C16orf74: variants seen among roughly 807,000 people sequenced by gnomAD.
The protein encoded by C16orf74 is uncharacterized protein C16orf74.
C16orf74 carries 10 observed loss-of-function variants against 6.5 expected under a neutral mutation model. The ratio of observed to expected loss-of-function variants is 1.54; its 90% CI spans 0.95 to 2.61. The LOEUF (loss-of-function observed/expected upper bound fraction) is 2.61, where lower values mean the gene tolerates loss of function less well. Among genes scored for constraint, C16orf74 ranks in the 30% most tolerant of loss-of-function variants. C16orf74 has a pLI of 0.00. For synonymous variants in C16orf74, 60 were observed against 42.5 expected (o/e 1.41, Z -1.60); for missense variants, 141 against 105.9 (o/e 1.33, Z -1.45).
chr16:85,746,074 C>T (rs530210297), intron 1 of C16orf74, among the ~76,000 whole-genome samples: 10 of 152,254 alleles, frequency 6.6e-5, no homozygotes, highest in South Asian at 4.1e-4. Flanking sequence ...GGGCTGGGTG[C>T]GGTGGCTCAT....
chr16:85,727,319 A>G (rs150618450), intron 2 of C16orf74, among the ~76,000 whole-genome samples: 17 of 152,278 alleles, frequency 1.1e-4, no homozygotes, highest in Non-Finnish European at 2.2e-4. Flanking sequence ...CCAACCACCA[A>G]TCAACCCCAG....
chr16:85,712,735 T>C (rs2053982360), intron 2 of C16orf74, among the ~76,000 whole-genome samples: 1 of 152,246 alleles, frequency 6.6e-6, no homozygotes, highest in Non-Finnish European at 1.5e-5. Flanking sequence ...ACCTCCTCTC[T>C]GGGCCCTTTG....
rs1598774967 is a variant in C16orf74 at position 85,707,603 on chromosome 16, T to C, written c.*405A>G. 5.3e-6 allele frequency: 1 copy of C among 187,930 alleles called. No individual in the cohort carries two copies. Among genetic ancestry groups the C allele is most frequent in the Non-Finnish European group, 1.1e-5 (1 of 92,220 alleles). The allele number at this position is 187,930 out of a possible 1,614,324, so 11.6% of individuals were successfully genotyped here. ...GTTTCCGTATCTGTAAAACAACTTA[T>C]AAAAAACAGCCACTCCACCTGCAAG... On this transcript the variant is annotated 3_prime_UTR_variant, in exon 4 of 4. Coordinates refer to ENST00000284245, the MANE Select transcript of C16orf74 (RefSeq NM_206967.3).
intron 1 of C16orf74, among the ~76,000 whole-genome samples, chr16:85,750,206 T>C (rs1459676149): frequency 6.6e-6 from 1 of 152,026 alleles, no homozygotes; most frequent in East Asian, 1.9e-4. Context: ...TCCTCCGGGC[T>C]CCAAAGCCTG....
chr16:85,710,027 G>T, intron 3 of C16orf74, 137 bp downstream of exon 3: 2 of 686,512 alleles, frequency 2.9e-6, no homozygotes, highest in South Asian at 2.5e-5. Flanking sequence ...ACACAGGTCT[G>T]ACCATAAATG....
chr16:85,730,113 A>AAGGAGGAGGTGGCG (rs1038507986), intron 2 of C16orf74, among the ~76,000 whole-genome samples: 20 of 152,248 alleles, frequency 1.3e-4, no homozygotes, highest in Admixed American at 7.2e-4. Flanking sequence ...GGAGCTGAGG[A>AAGGAGGAGGTGGCG]AGGAGGAGGT....
chr16:85,712,489 C>A (rs772742259), intron 2 of C16orf74, among the ~76,000 whole-genome samples: 1 of 152,308 alleles, frequency 6.6e-6, no homozygotes, highest in East Asian at 1.9e-4. Flanking sequence ...CTCAGGGTAA[C>A]CTTTGTTCAC....
chr16:85,741,246 C>T (rs2054304041), intron 1 of C16orf74, among the ~76,000 whole-genome samples: 1 of 152,172 alleles, frequency 6.6e-6, no homozygotes, highest in South Asian at 2.1e-4. Flanking sequence ...TTCCTGGGGC[C>T]AGGCTCTGGC....
chr16:85,721,191 GA>G (rs1013725680), intron 2 of C16orf74, among the ~76,000 whole-genome samples: 4 of 151,900 alleles, frequency 2.6e-5, no homozygotes, highest in Non-Finnish European at 5.9e-5. Flanking sequence ...CCCTAAAATG[GA>G]AACAAGAGCA....
chr16:85,730,902 C>G (rs776639581), intron 2 of C16orf74, among the ~76,000 whole-genome samples: 8 of 149,420 alleles, frequency 5.4e-5, no homozygotes, highest in South Asian at 2.1e-4. Context: ...CCCAGATCAG[C>G]TGACTGAACC....
chr16:85,738,090 A>T lies in C16orf74; in HGVS notation c.-18-2855T>A, dbSNP rs377067931. On this transcript the variant is annotated intron_variant, in intron 1 of 3. Coordinates refer to ENST00000284245, the MANE Select transcript of C16orf74 (RefSeq NM_206967.3). ...GACACCCTGGCTATAAAACATTTTT[A>T]AAAAATTAGTCAAGTGTGGTGGCCT... Among the ~76,000 whole-genome samples the T allele has an allele frequency of 1.2e-3, 179 of 151,740 alleles. 1 individual carries two copies. The highest frequency in any genetic ancestry group is 4.1e-3 in the African/African-American group (169 of 41,374).
chr16:85,713,566 C>T, intron 2 of C16orf74, among the ~76,000 whole-genome samples: 1 of 152,218 alleles, frequency 6.6e-6, no homozygotes, highest in Non-Finnish European at 1.5e-5. Flanking sequence ...AGCCACAGCG[C>T]CCAGCCCAGA....
At chr16:85,738,266 G>T (rs1368091218) in intron 1 of C16orf74, among the ~76,000 whole-genome samples, 1 of 151,520 alleles carries the variant, frequency 6.6e-6, no homozygotes, top group Non-Finnish European at 1.5e-5. Context: ...GCTGCTTGCT[G>T]CCTGAGCCCC....
chr16:85,708,060 A>C lies in C16orf74; in HGVS notation c.179T>G (p.Leu60Arg), dbSNP rs1330026385. Residue 60 changes from leucine to arginine, a missense_variant, in exon 4 of 4, where the codon CTG becomes CGG. Transcript: ENST00000284245. ...ATCTGGGCACGACCCTGTCTCATCC[A>C]GCCAGACTAGGAGAAAGAGGGGATG... ...LPRDLGSTVW[L>R]DETGSCPDDG... The C allele has an allele frequency of 1.3e-6, 2 of 1,553,164 alleles. No homozygotes were observed. Among genetic ancestry groups the C allele is most frequent in the Admixed American group, 3.9e-5 (2 of 51,216 alleles).
chr16:85,716,717 G>T (rs1446781444), intron 2 of C16orf74, among the ~76,000 whole-genome samples: 1 of 151,302 alleles, frequency 6.6e-6, no homozygotes, highest in Non-Finnish European at 1.5e-5. Context: ...AGGGAGAGGG[G>T]AGGGCAGGCA....
chr16:85,735,240 G>GGAGAGAGGACAGCGCT lies in C16orf74; in HGVS notation c.-18-21_-18-6dup. On this transcript the variant is annotated splice_region_variant and splice_polypyrimidine_tract_variant and intron_variant, in intron 1 of 3. Transcript: ENST00000284245. ...CATGTCGGCACCTCTGCAGGCCTGT[G>GGAGAGAGGACAGCGCT]GAGAGAGGACAGCGCTGAGAGAGGG... 6.3e-7 allele frequency: 1 copy of GGAGAGAGGACAGCGCT among 1,579,456 alleles called. No homozygotes were observed. Among genetic ancestry groups the GGAGAGAGGACAGCGCT allele is most frequent in the Non-Finnish European group, 8.6e-7 (1 of 1,163,052 alleles).
chr16:85,722,477 G>C (rs449740), intron 2 of C16orf74, among the ~76,000 whole-genome samples: 44,903 of 152,142 alleles, frequency 0.3, 6,936 homozygotes, highest in Middle Eastern at 0.39. Context: ...TGCAGCTCCA[G>C]GTAGGAGCAA....
chr16:85,747,603 T>C (rs954819784), intron 1 of C16orf74, among the ~76,000 whole-genome samples: 3 of 152,164 alleles, frequency 2.0e-5, no homozygotes, highest in East Asian at 1.9e-4. Context: ...TGTACACTTA[T>C]TACAATGGGC....
chr16:85,716,432 G>A (rs1239563660), intron 2 of C16orf74, among the ~76,000 whole-genome samples: 1 of 143,356 alleles, frequency 7.0e-6, no homozygotes. Context: ...GAGAGAGGAG[G>A]AAGAGGAGGA....
Sources: gnomAD v4.1 joint callset for allele counts (sites outside exome capture counted in the v4.1 genomes callset) on GRCh38, gnomAD v4.1.1 for gene constraint, MANE v1.5 for transcripts, NCBI Gene and HGNC (gene_info 2026-07-23, HGNC 2026-07-21) for gene names.